The following BRWD3 variants were observed in gnomAD, a reference collection of about 807,000 sequenced individuals.
BRWD3 encodes bromodomain and WD repeat-containing protein 3.
BRWD3 carries 10 observed loss-of-function variants against 149.7 expected under a neutral mutation model. That is an observed-to-expected ratio of 0.07 (90% CI 0.04 to 0.11). The LOEUF (loss-of-function observed/expected upper bound fraction) is 0.11. Among genes scored for constraint, BRWD3 ranks in the 10% least tolerant of loss-of-function variants. The pLI is 1.00. For missense variants in BRWD3, 940 were observed against 1,373.2 expected (o/e 0.68, Z 4.99); for synonymous variants, 504 against 456.7 (o/e 1.10, Z -1.32).
At chrX:80,794,206 A>C (rs973324187) in intron 4 of BRWD3, among the ~76,000 whole-genome samples, 4 of 111,257 alleles carry the variant, frequency 3.6e-5, no homozygotes, top group African/African-American at 1.3e-4. Context: ...AATAAAAATA[A>C]ATAAAATATG....
In BRWD3 at chrX:80,721,144, T is replaced by G. The variant is rs190460199; in HGVS notation, c.1876+1418A>C. 4.4e-5 allele frequency among the ~76,000 whole-genome samples: 5 copies of G among 112,417 alleles called. No individual in the cohort carries two copies. In the Admixed American group the frequency reaches 4.7e-4, roughly 11 times the overall value. Reference sequence around the variant, plus strand: ...ACAAAATTTTTATATACACTGAAACTTAATGATTATTTCTGAATGAAAATG... The same window carrying G: ...ACAAAATTTTTATATACACTGAAACGTAATGATTATTTCTGAATGAAAATG... On this transcript the variant is annotated intron_variant, in intron 17 of 40. Transcript: ENST00000373275.
intron 9 of BRWD3, among the ~76,000 whole-genome samples, chrX:80,735,404 T>C (rs1306013827): frequency 7.1e-5 from 8 of 111,979 alleles, no homozygotes; most frequent in Non-Finnish European, 7.5e-5. Context: ...ATTATTACTA[T>C]AGTTTTATTA....
At chrX:80,796,622 T>G (rs932022977) in intron 4 of BRWD3, among the ~76,000 whole-genome samples, 1 of 111,212 alleles carries the variant, frequency 9.0e-6, no homozygotes, top group Non-Finnish European at 1.9e-5. Context: ...TTTGGTAAGT[T>G]CCTTCAAAAA....
At chrX:80,741,291 T>C (rs1176803942) in intron 8 of BRWD3, among the ~76,000 whole-genome samples, 2 of 112,219 alleles carry the variant, frequency 1.8e-5, no homozygotes, top group African/African-American at 3.2e-5. Flanking sequence ...TGCCACATTT[T>C]CTTAATCCAG....
At chrX:80,740,482 T>A (rs1472114848) in intron 8 of BRWD3, among the ~76,000 whole-genome samples, 1 of 112,512 alleles carries the variant, frequency 8.9e-6, no homozygotes, top group Non-Finnish European at 1.9e-5. Flanking sequence ...GTGGCTCACG[T>A]GCCTGTAATC....
chrX:80,787,023 T>C (rs1468686955), intron 6 of BRWD3, among the ~76,000 whole-genome samples: 1 of 109,475 alleles, frequency 9.1e-6, no homozygotes, highest in African/African-American at 3.3e-5. Context: ...GAGGTCAATA[T>C]ACAGAAAAAC....
intron 6 of BRWD3, among the ~76,000 whole-genome samples, chrX:80,767,844 C>T (rs1246793598): frequency 2.7e-5 from 3 of 111,322 alleles, no homozygotes; most frequent in Non-Finnish European, 5.7e-5. Context: ...AAAGATTAAA[C>T]GAATGGCTAA....
chrX:80,777,304 G>A (rs936918483), intron 6 of BRWD3, among the ~76,000 whole-genome samples: 2 of 111,554 alleles, frequency 1.8e-5, no homozygotes, highest in Admixed American at 1.9e-4. Flanking sequence ...ACCAAAGCCA[G>A]GTAACTATCA....
In BRWD3 at chrX:80,719,475, A is replaced by G. The variant is rs1442945098; in HGVS notation, c.2044+14T>C. The G allele has an allele frequency of 3.3e-6, 4 of 1,194,163 alleles. No homozygotes were observed. Among genetic ancestry groups the G allele is most frequent in the Non-Finnish European group, 4.5e-6 (4 of 879,790 alleles). On this transcript the variant is annotated intron_variant, in intron 18 of 40. Transcript: ENST00000373275. ...TACATAAACTACACCCTTTACAAGT[A>G]TAAAAATACTTACCACCATTAACAG...
chrX:80,805,933 CA>C (rs1420517125), intron 4 of BRWD3, among the ~76,000 whole-genome samples: 1 of 110,265 alleles, frequency 9.1e-6, no homozygotes, highest in African/African-American at 3.3e-5. Flanking sequence ...GACTCCCTCT[CA>C]AAAAAAAGAA....
At chrX:80,758,259 T>C (rs1482523006) in intron 6 of BRWD3, among the ~76,000 whole-genome samples, 1 of 111,854 alleles carries the variant, frequency 8.9e-6, no homozygotes, top group Non-Finnish European at 1.9e-5. Flanking sequence ...TCGTGGAATT[T>C]ACATTCTACT....
At chrX:80,745,380 A>G (rs1376138179) in intron 7 of BRWD3, among the ~76,000 whole-genome samples, 189 bp downstream of exon 7, 1 of 112,205 alleles carries the variant, frequency 8.9e-6, no homozygotes, top group Non-Finnish European at 1.9e-5. Flanking sequence ...CCAAGAAGAT[A>G]GTAAACATTT....
chrX:80,683,216 C>T (rs2072480005), intron 37 of BRWD3, among the ~76,000 whole-genome samples: 1 of 111,007 alleles, frequency 9.0e-6, no homozygotes. Flanking sequence ...CTTCAAAATA[C>T]GAAATCCACT....
intron 8 of BRWD3, among the ~76,000 whole-genome samples, chrX:80,737,482 T>A (rs1294977652): frequency 8.9e-6 from 1 of 111,905 alleles, no homozygotes; most frequent in African/African-American, 3.2e-5. Context: ...AGATGCAGAA[T>A]CTACGGATAC....
chrX:80,697,782 T>A (rs930981437), intron 25 of BRWD3, among the ~76,000 whole-genome samples: 4 of 112,134 alleles, frequency 3.6e-5, no homozygotes, highest in Non-Finnish European at 3.8e-5. Context: ...CGAACATGCA[T>A]GTGCATGTGT....
rs138343252 is a variant in BRWD3 at position 80,728,029 on chromosome X, T to C, written c.1386+723A>G. Among the ~76,000 whole-genome samples, 820 of 111,966 alleles carry C rather than the reference T, an allele frequency of 7.3e-3. 8 individuals are homozygous for C. Among genetic ancestry groups the C allele is most frequent in the African/African-American group, 0.025 (774 of 30,865 alleles). On this transcript the variant is annotated intron_variant, in intron 14 of 40. Transcript: ENST00000373275. ...AAGAACTTTACATCCCTCTGATACA[T>C]AAACACCATGATATAGTATAAAGAC... is the stretch of plus-strand genomic sequence containing the variant.
chrX:80,685,133 C>T (rs1040345740), intron 36 of BRWD3, among the ~76,000 whole-genome samples: 5 of 111,533 alleles, frequency 4.5e-5, no homozygotes, highest in African/African-American at 1.6e-4. Flanking sequence ...AAGACTCAGA[C>T]TGCTTGCTGA....
chrX:80,690,209 T>C, intron 31 of BRWD3, 117 bp from the exon 32 acceptor site: 2 of 710,318 alleles, frequency 2.8e-6, no homozygotes, highest in East Asian at 3.6e-5. Context: ...TGTTCCAATA[T>C]GCATATAACT....
chrX:80,756,762 T>C (rs756566757), intron 6 of BRWD3, among the ~76,000 whole-genome samples: 3 of 111,296 alleles, frequency 2.7e-5, no homozygotes, highest in South Asian at 7.5e-4. Context: ...ACACACTTCC[T>C]TGGGGGGAGG....
Sources: allele counts gnomAD v4.1 joint callset (sites outside exome capture counted in the v4.1 genomes callset), GRCh38; gene constraint gnomAD v4.1.1; transcripts MANE v1.5; gene names NCBI Gene and HGNC (gene_info 2026-07-23, HGNC 2026-07-21).